TAB2: variants seen among roughly 807,000 people sequenced by gnomAD.
TAB2 encodes the protein TGF-beta-activated kinase 1 and MAP3K7-binding protein 2.
TAB2 carries 3 observed loss-of-function variants against 65.0 expected under a neutral mutation model. The observed-to-expected ratio is 0.05, with a 90% CI of 0.02 to 0.12. The LOEUF (loss-of-function observed/expected upper bound fraction) is 0.12. TAB2 is among the 10% of genes least tolerant of loss of function. The pLI, the probability that TAB2 is intolerant of heterozygous loss-of-function variation, is 1.00. For synonymous variants in TAB2, 298 were observed against 285.1 expected (o/e 1.05, Z -0.46); for missense variants, 623 against 840.3 (o/e 0.74, Z 3.20).
intron 1 of TAB2, among the ~76,000 whole-genome samples, chr6:149,267,009 GA>G (rs1778276504): frequency 6.6e-6 from 1 of 152,218 alleles, no homozygotes; most frequent in Non-Finnish European, 1.5e-5. Context: ...TTGAATTTTA[GA>G]AGATTAAAGT....
chr6:149,388,575 T>C (rs1293804290), intron 3 of TAB2, among the ~76,000 whole-genome samples: 1 of 152,202 alleles, frequency 6.6e-6, no homozygotes, highest in African/African-American at 2.4e-5. Flanking sequence ...TCATATTTTG[T>C]AGGTGGTTGA....
upstream of TAB2, chr6:149,218,186 T>C (rs1428753787): frequency 6.6e-6 from 1 of 152,202 alleles, no homozygotes; most frequent in Non-Finnish European, 1.5e-5. Flanking sequence ...AGTAGAAAGC[T>C]TATTGTTAGT....
chr6:149,389,712 C>T (rs237035), intron 3 of TAB2, among the ~76,000 whole-genome samples: 86,676 of 150,732 alleles, frequency 0.58, 25,716 homozygotes, highest in African/African-American at 0.72. Flanking sequence ...CGCATAATGA[C>T]TCATCCAAGT....
chr6:149,378,928 C>A lies in TAB2; in HGVS notation c.1013C>A (p.Ser338Tyr), dbSNP rs1781505971. ...IKLEPPQRNN[S>Y]SKLRSSGPRT... is the part of the protein sequence containing the mutation. ...CTTGAACCCCCACAAAGAAATAATT[C>A]TTCAAAACTGCGTTCTTCTGGACCT... Residue 338 changes from serine to tyrosine, a missense_variant, in exon 3 of 7, where the codon TCT (serine) becomes TAT (tyrosine). Ser to Tyr is a moderately radical substitution (Grantham distance 144). This residue lies in a region of TAB2 where 550 missense variants were observed against 665.7 expected (regional missense o/e 0.83). Coordinates refer to ENST00000637181, the MANE Select transcript of TAB2 (RefSeq NM_001292034.3). 1.2e-6 allele frequency: 2 copies of A among 1,614,026 alleles called. No homozygotes were observed. Among genetic ancestry groups the A allele is most frequent in the African/African-American group, 1.3e-5 (1 of 74,924 alleles).
intron 1 of TAB2, among the ~76,000 whole-genome samples, chr6:149,277,174 G>A (rs1226448861): frequency 6.6e-6 from 1 of 151,962 alleles, no homozygotes; most frequent in Non-Finnish European, 1.5e-5. Context: ...CCCAATCTTG[G>A]GTATGTCTTT....
intron 1 of TAB2, chr6:149,243,379 T>C (rs1255955089): frequency 6.6e-6 from 1 of 152,222 alleles, no homozygotes; most frequent in East Asian, 1.9e-4. Flanking sequence ...TGACAGGTCT[T>C]CAAGTAATCT....
chr6:149,274,908 C>G (rs936295866), intron 1 of TAB2, among the ~76,000 whole-genome samples: 1 of 152,130 alleles, frequency 6.6e-6, no homozygotes, highest in African/African-American at 2.4e-5. Context: ...GAGAGAGAAC[C>G]AGCTCCAGTG....
chr6:149,345,624 A>G (rs1780269323), intron 1 of TAB2, among the ~76,000 whole-genome samples: 1 of 152,170 alleles, frequency 6.6e-6, no homozygotes, highest in Non-Finnish European at 1.5e-5. Flanking sequence ...GTGTCCTTCT[A>G]CTCAGCCCCC....
intron 1 of TAB2, among the ~76,000 whole-genome samples, chr6:149,294,027 C>T (rs577849): frequency 6.6e-6 from 1 of 151,972 alleles, no homozygotes; most frequent in Non-Finnish European, 1.5e-5. Flanking sequence ...AAAAAAAACC[C>T]TAAGAATTGC....
chr6:149,317,368 C>T (rs1004517280), upstream of TAB2, among the ~76,000 whole-genome samples: 1 of 151,586 alleles, frequency 6.6e-6, no homozygotes, highest in Non-Finnish European at 1.5e-5. The surrounding 1 kb of genome is among the most constrained non-coding windows in gnomAD (Gnocchi z 4.7). Context: ...CTGCGAGTGT[C>T]GGGGGAGGGG....
At chr6:149,382,873 G>A (rs1391499430) in intron 3 of TAB2, among the ~76,000 whole-genome samples, 5 of 152,120 alleles carry the variant, frequency 3.3e-5, no homozygotes, top group African/African-American at 1.2e-4. Context: ...ATAACTTAAG[G>A]CTGGGCATGG....
chr6:149,318,347 G>C lies in TAB2; in HGVS notation c.-90+332G>C, dbSNP rs533541139. ...GGGTGGGGGAGGGCGCAAGGGGCTC[G>C]GGAGGGCCCCTCCCTGCGTCGGCGC... On this transcript the variant is annotated intron_variant, in intron 1 of 6. Coordinates refer to ENST00000637181, the MANE Select transcript of TAB2 (RefSeq NM_001292034.3). 5.4e-4 allele frequency among the ~76,000 whole-genome samples: 82 copies of C among 152,098 alleles called. 1 individual carries two copies. Among genetic ancestry groups the C allele is most frequent in the Middle Eastern group, 3.4e-3 (1 of 294 alleles).
intron 6 of TAB2, among the ~76,000 whole-genome samples, chr6:149,406,906 G>A (rs1210423177): frequency 2.0e-5 from 3 of 151,874 alleles, no homozygotes; most frequent in Non-Finnish European, 2.9e-5. Context: ...TAGTACAGAC[G>A]GGGTTTCTCC....
chr6:149,243,522 T>C (rs1455420316), intron 1 of TAB2: 1 of 152,212 alleles, frequency 6.6e-6, no homozygotes, highest in East Asian at 1.9e-4. Context: ...TGTACAAATC[T>C]TCCCCCACCT....
At chr6:149,379,557 G>A (rs751040064) in intron 3 of TAB2, 39 bp downstream of exon 3, 1 of 1,600,022 alleles carries the variant, frequency 6.2e-7, no homozygotes, top group East Asian at 2.2e-5. Context: ...TTTCCATGCT[G>A]GGCTTGTTGG....
intron 1 of TAB2, among the ~76,000 whole-genome samples, chr6:149,242,481 G>C (rs1160580574): frequency 6.6e-6 from 1 of 152,166 alleles, no homozygotes; most frequent in East Asian, 1.9e-4. Flanking sequence ...TTGCCTGTGA[G>C]TAGAACAGGA....
At chr6:149,347,853 A>G (rs1359277658) in intron 1 of TAB2, among the ~76,000 whole-genome samples, 2 of 152,200 alleles carry the variant, frequency 1.3e-5, no homozygotes, top group Non-Finnish European at 2.9e-5. Context: ...TATGTCAATA[A>G]TGTAAAAGGT....
At chr6:149,345,561 A>G (rs1192183805) in intron 1 of TAB2, among the ~76,000 whole-genome samples, 1 of 152,198 alleles carries the variant, frequency 6.6e-6, no homozygotes, top group Non-Finnish European at 1.5e-5. Context: ...AATATGTGTT[A>G]TTATAAAAAT....
intron 6 of TAB2, among the ~76,000 whole-genome samples, chr6:149,403,234 T>TAAAAA (rs745966790): frequency 4.5e-5 from 3 of 66,084 alleles, no homozygotes; most frequent in Admixed American, 2.0e-4. Context: ...AACTCTTGTC[T>TAAAAA]AAAAAAAAAA....
Sources: gnomAD v4.1 joint callset for allele counts (sites outside exome capture counted in the v4.1 genomes callset) on GRCh38, gnomAD v4.1.1 for gene constraint, gnomAD v4.1.1 regional missense constraint, Gnocchi (gnomAD v3.1) non-coding constraint, MANE v1.5 for transcripts, NCBI Gene and HGNC (gene_info 2026-07-23, HGNC 2026-07-21) for gene names.